The following OTOF variants were observed in gnomAD, a reference collection of about 807,000 sequenced individuals.
The protein encoded by OTOF is otoferlin.
OTOF carries 218 observed loss-of-function variants against 236.8 expected under a neutral mutation model. The observed-to-expected ratio is 0.92, with a 90% CI of 0.82 to 1.03. The LOEUF (loss-of-function observed/expected upper bound fraction) is 1.03. Among genes scored for constraint, OTOF ranks in the 50% least tolerant of loss-of-function variants. The pLI is 0.00. For synonymous variants in OTOF, 1,041 were observed against 1,072.5 expected, an observed-to-expected ratio of 0.97 and a Z score of 0.57; for missense variants, 2,590 against 2,694.4, an observed-to-expected ratio of 0.96 and a Z score of 0.86.
chr2:26,481,774 C>T (rs1009076703), intron 14 of OTOF, among the ~76,000 whole-genome samples: 2 of 152,126 alleles, frequency 1.3e-5, no homozygotes, highest in African/African-American at 2.4e-5. Context: ...CCTTTAGCAC[C>T]TGGAAACCGG....
rs1396975048 is a variant in OTOF at position 26,479,504 on chromosome 2, T to C, written c.2062A>G (p.Thr688Ala). The change falls in exon 17 of 47, where the codon ACT becomes GCT. Residue 688 changes from threonine to alanine, a missense_variant. Coordinates refer to ENST00000272371, the MANE Select transcript of OTOF (RefSeq NM_194248.3). ...GTGACCTGGGGCCGCATTGGTGGAGTGGAGGAGACTGAGGCCAGGTCCCCG... is the reference window on the plus strand; with the variant it reads ...GTGACCTGGGGCCGCATTGGTGGAGCGGAGGAGACTGAGGCCAGGTCCCCG... ...DAGDLASVSS[T>A]PPMRPQVTDR... The C allele has an allele frequency of 1.9e-6, 3 of 1,602,390 alleles. No homozygotes were observed. The highest frequency in any genetic ancestry group is 4.5e-5 in the East Asian group (2 of 44,468).
At chr2:26,491,890 C>G (rs543685906) in intron 9 of OTOF, among the ~76,000 whole-genome samples, 1 of 152,366 alleles carries the variant, frequency 6.6e-6, no homozygotes, top group African/African-American at 2.4e-5. Context: ...TGTCTGCAAT[C>G]AAATTCCTGT....
intron 2 of OTOF, among the ~76,000 whole-genome samples, chr2:26,534,608 T>C (rs575503820): frequency 3.3e-5 from 5 of 152,316 alleles, no homozygotes; most frequent in South Asian, 2.1e-4. Flanking sequence ...TGGAACCCCT[T>C]ACCTAGTAGA....
At chr2:26,505,036 C>G (rs1666212958) in intron 5 of OTOF, among the ~76,000 whole-genome samples, 1 of 152,184 alleles carries the variant, frequency 6.6e-6, no homozygotes, top group Non-Finnish European at 1.5e-5. Flanking sequence ...TGTCCTCAGG[C>G]AGATGACCTA....
At chr2:26,550,761 T>G (rs1209254222) in intron 1 of OTOF, among the ~76,000 whole-genome samples, 1 of 152,176 alleles carries the variant, frequency 6.6e-6, no homozygotes, top group East Asian at 1.9e-4. Context: ...TGCCCCGGGC[T>G]TCCTCCCCAG....
At chr2:26,535,646 G>A (rs1409162211) in intron 2 of OTOF, among the ~76,000 whole-genome samples, 1 of 152,160 alleles carries the variant, frequency 6.6e-6, no homozygotes, top group Admixed American at 6.5e-5. Flanking sequence ...CTTCTGCCCT[G>A]CCCCAGTCTC....
chr2:26,463,823 G>A (rs1288727460), intron 40 of OTOF, 141 bp downstream of exon 40: 2 of 1,140,814 alleles, frequency 1.8e-6, no homozygotes, highest in East Asian at 4.7e-5. Context: ...TACCCTGAGG[G>A]GCCTTGGTGG....
Position 26,558,618 on chromosome 2 carries a change from A to G in OTOF, c.-47T>C. On this transcript the variant is annotated 5_prime_UTR_variant, in exon 1 of 47. Transcript: ENST00000272371. ...CTGCCAGGCAGGAGCAGCGGGAAGGAGCTAGCCGGTGGAGCACGGCTCACA... is the reference window on the plus strand; with the variant it reads ...CTGCCAGGCAGGAGCAGCGGGAAGGGGCTAGCCGGTGGAGCACGGCTCACA... 1 of 1,524,314 alleles carries G rather than the reference A, an allele frequency of 6.6e-7. No homozygotes were observed. Among genetic ancestry groups the G allele is most frequent in the Non-Finnish European group, 9.1e-7 (1 of 1,099,638 alleles). 94.4% of individuals were successfully genotyped at this position (1,524,314 alleles called of 1,614,324 possible). A position where few individuals can be genotyped will look rare whatever the true frequency, so the allele number is the denominator to read the frequency against.
At chr2:26,497,917 C>A (rs989494370) in intron 8 of OTOF, among the ~76,000 whole-genome samples, 1 of 152,174 alleles carries the variant, frequency 6.6e-6, no homozygotes, top group Admixed American at 6.5e-5. Flanking sequence ...TTAACTTCCA[C>A]GAACCCTTTT....
chr2:26,555,082 C>T (rs1169086150), intron 1 of OTOF, among the ~76,000 whole-genome samples: 1 of 152,186 alleles, frequency 6.6e-6, no homozygotes, highest in African/African-American at 2.4e-5. Context: ...ACCCTTCACA[C>T]CCTGCGTTCT....
intron 9 of OTOF, among the ~76,000 whole-genome samples, chr2:26,491,157 C>T (rs1443435408): frequency 6.6e-6 from 1 of 151,990 alleles, no homozygotes; most frequent in Non-Finnish European, 1.5e-5. Context: ...CGTGAGGGGC[C>T]CCCAAGAGGA....
intron 36 of OTOF, chr2:26,466,457 C>T (rs190789608): frequency 3.7e-6 from 2 of 533,888 alleles, no homozygotes; most frequent in Admixed American, 2.8e-5. Context: ...CTGCCTCAGC[C>T]TCCTCAGTAG....
In OTOF at chr2:26,477,462, C is replaced by A; in HGVS notation, c.2360G>T (p.Arg787Leu). 1 of 1,602,882 alleles carries A rather than the reference C, an allele frequency of 6.2e-7. No homozygotes were observed. Among genetic ancestry groups the A allele is most frequent in the Non-Finnish European group, 8.5e-7 (1 of 1,175,624 alleles). The change falls in exon 20 of 47, where the codon CGC becomes CTC. Residue 787 changes from arginine to leucine, a missense_variant. This residue lies in a region of OTOF where 1,379 missense variants were observed against 1,341.6 expected (regional missense o/e 1.03). Coordinates refer to ENST00000272371, the MANE Select transcript of OTOF (RefSeq NM_194248.3). The surrounding 1 kb of genome is among the most constrained non-coding windows in gnomAD (Gnocchi z 4.7). ...LADKDQGHSS[R>L]TRLDRERLKS... Reference sequence around the variant, plus strand: ...GAGGCGCTCCCGGTCAAGCCTGGTGCGGGATGAGTGGCCCTGGTCCTTGTC... The same window carrying A: ...GAGGCGCTCCCGGTCAAGCCTGGTGAGGGATGAGTGGCCCTGGTCCTTGTC...
At chr2:26,538,065 G>A (rs906823433) in intron 1 of OTOF, among the ~76,000 whole-genome samples, 1 of 152,198 alleles carries the variant, frequency 6.6e-6, no homozygotes, top group Non-Finnish European at 1.5e-5. Context: ...CGTGGAAGCG[G>A]ACCTCAGGCA....
At chr2:26,549,299 T>C (rs908971138) in intron 1 of OTOF, among the ~76,000 whole-genome samples, 3 of 152,208 alleles carry the variant, frequency 2.0e-5, no homozygotes, top group Non-Finnish European at 4.4e-5. Flanking sequence ...ATTGCCCATA[T>C]CTCTTGTAAT....
In OTOF at chr2:26,501,770, C is replaced by T. The variant is rs370225374; in HGVS notation, c.749G>A (p.Arg250Gln). The change falls in exon 8 of 47, where the codon CGG (arginine) becomes CAG (glutamine). Residue 250 changes from arginine to glutamine, a missense_variant. Arg to Gln is a conservative substitution (Grantham distance 43, BLOSUM62 1). Coordinates refer to ENST00000272371, the MANE Select transcript of OTOF (RefSeq NM_194248.3). ...CCCACCTACCTGGTAATCCATGGGC[C>T]GCCCAGCACTTGGCTCCATCTTAAT... ...PDIKMEPSAG[R>Q]PMDYQVSITV... 14 of 1,613,546 alleles carry T rather than the reference C, an allele frequency of 8.7e-6. No individual in the cohort carries two copies. Among genetic ancestry groups the T allele is most frequent in the South Asian group, 4.4e-5 (4 of 91,062 alleles).
chr2:26,478,162 G>A, intron 18 of OTOF: 1 of 644,906 alleles, frequency 1.6e-6, no homozygotes, highest in Admixed American at 4.1e-5. Context: ...ATGCCTGGGG[G>A]AAGAGGGAGT....
chr2:26,538,078 C>G (rs1368461719), intron 1 of OTOF, among the ~76,000 whole-genome samples: 1 of 152,210 alleles, frequency 6.6e-6, no homozygotes, highest in Non-Finnish European at 1.5e-5. Flanking sequence ...CTCAGGCACT[C>G]TTTTCCACCA....
chr2:26,468,720 C>T (rs1389096410), intron 32 of OTOF, among the ~76,000 whole-genome samples: 2 of 152,112 alleles, frequency 1.3e-5, no homozygotes, highest in Non-Finnish European at 2.9e-5. Flanking sequence ...TACTATGCAG[C>T]CATAAAAAAG....
Sources: allele counts gnomAD v4.1 joint callset (sites outside exome capture counted in the v4.1 genomes callset), GRCh38; gene constraint gnomAD v4.1.1; regional missense constraint gnomAD v4.1.1; non-coding constraint Gnocchi (gnomAD v3.1); transcripts MANE v1.5; gene names NCBI Gene and HGNC (gene_info 2026-07-23, HGNC 2026-07-21).